Variants in SLC25A23 observed in about 807,000 individuals in gnomAD.
The protein encoded by SLC25A23 is solute carrier family 25 member 23.
In SLC25A23, 32 loss-of-function variants were observed where a neutral mutation model predicts 53.9. That is an observed-to-expected ratio of 0.59 (90% CI 0.45 to 0.80). The LOEUF is 0.80. Among genes scored for constraint, SLC25A23 ranks in the 30% least tolerant of loss-of-function variants. SLC25A23 has a pLI of 0.00. For missense variants in SLC25A23, 575 were observed against 651.4 expected, an observed-to-expected ratio of 0.88 and a Z score of 1.28; for synonymous variants, 275 against 264.5, an observed-to-expected ratio of 1.04 and a Z score of -0.38.
At chr19:6,436,561 T>C (rs1212857249), downstream of SLC25A23, 4 of 414,796 alleles carry the variant, frequency 9.6e-6, no homozygotes, top group East Asian at 1.4e-4. Context: ...TTTTTTTTTT[T>C]TCTTTGAGAC....
rs142556721 is a variant in SLC25A23, at chr19:6,441,031, C to T, written c.*944G>A. On this transcript the variant is annotated 3_prime_UTR_variant, in exon 10 of 10. Transcript: ENST00000301454. Reference sequence around the variant, plus strand: ...ATCTGGAATCCAGCAGCTGCAGTTGCCAGGATCCACTTGCTGTGCCACTGG... The same window carrying T: ...ATCTGGAATCCAGCAGCTGCAGTTGTCAGGATCCACTTGCTGTGCCACTGG... 6.6e-6 allele frequency: 1 copy of T among 152,088 alleles called. No individual in the cohort carries two copies. Among genetic ancestry groups the T allele is most frequent in the Admixed American group, 6.6e-5 (1 of 15,252 alleles). 9.4% of individuals were successfully genotyped at this position (152,088 alleles called of 1,614,324 possible).
chr19:6,448,259 G>A (rs1159573796), intron 8 of SLC25A23, among the ~76,000 whole-genome samples: 1 of 152,232 alleles, frequency 6.6e-6, no homozygotes, highest in Non-Finnish European at 1.5e-5. Flanking sequence ...GCAGGACTCA[G>A]TGCTGTGATG....
Position 6,444,541 on chromosome 19 carries a change from C to T in SLC25A23, c.1072-240G>A, listed in dbSNP as rs532962572. Among the ~76,000 whole-genome samples the T allele has an allele frequency of 2.0e-5, 3 of 152,290 alleles. No homozygotes were observed. In the East Asian group the frequency reaches 5.8e-4, roughly 29 times the overall value. Reference sequence around the variant, plus strand: ...TATGCCCTAATCTCTGGAACCTCTGCATATGTTACCCAAGATGACACAAAG... The same window carrying T: ...TATGCCCTAATCTCTGGAACCTCTGTATATGTTACCCAAGATGACACAAAG... On this transcript the variant is annotated intron_variant, in intron 8 of 9. Transcript: ENST00000301454.
At chr19:6,455,444 A>G (rs371607131) in intron 4 of SLC25A23, among the ~76,000 whole-genome samples, 3 of 152,146 alleles carry the variant, frequency 2.0e-5, no homozygotes, top group South Asian at 4.1e-4. Flanking sequence ...GAAATCTCAC[A>G]GGGATCTCCT....
chr19:6,451,294 CAGG>C (rs1363511709), intron 8 of SLC25A23, among the ~76,000 whole-genome samples: 1 of 151,876 alleles, frequency 6.6e-6, no homozygotes, highest in Non-Finnish European at 1.5e-5. Flanking sequence ...GAGACTGAGG[CAGG>C]AGAATTGCTT....
chr19:6,459,520 C>A lies in SLC25A23; in HGVS notation c.109G>T (p.Gly37Trp). 1 of 1,597,610 alleles carries A rather than the reference C, an allele frequency of 6.3e-7. No homozygotes were observed. The highest frequency in any genetic ancestry group is 1.1e-5 in the South Asian group (1 of 90,182). ...GRVDVHELRQ[G>W]LARLGGGNPD... ...TTGCCCCCGCCCAGCCTGGCCAGCC[C>A]CTGGCGCAACTCGTGCACGTCCACG... is the stretch of plus-strand genomic sequence containing the variant. Residue 37 changes from glycine to tryptophan, a missense_variant, in exon 1 of 10, where the codon GGG (glycine) becomes TGG (tryptophan). Coordinates refer to ENST00000301454, the MANE Select transcript of SLC25A23 (RefSeq NM_024103.3). This position sits in a 1 kb window ranked among gnomAD's most constrained non-coding sequence, Gnocchi z 4.6.
At chr19:6,448,185 G>A (rs1185704107) in intron 8 of SLC25A23, among the ~76,000 whole-genome samples, 1 of 152,130 alleles carries the variant, frequency 6.6e-6, no homozygotes, top group Non-Finnish European at 1.5e-5. Flanking sequence ...AGGCTTATAG[G>A]TTTCATTTCC....
chr19:6,447,303 CTAT>C (rs1286206976), intron 8 of SLC25A23, among the ~76,000 whole-genome samples: 5 of 151,858 alleles, frequency 3.3e-5, no homozygotes, highest in African/African-American at 1.2e-4. Context: ...AAGACCAAAA[CTAT>C]TATTATTATT....
At position 6,458,272 on chromosome 19, in the gene SLC25A23, T is replaced by A; in HGVS notation, c.209A>T (p.Glu70Val). ...ADPDGGLDLEEFSRYLQEREQ... is the reference protein window; with the variant it reads ...ADPDGGLDLEVFSRYLQEREQ... ...CCGCTCCTGCAGATAGCGGGAAAAT[T>A]CCTCCAGGTCGAGCCCGCCATCTGG... Residue 70 changes from glutamate (E) to valine (V), a missense_variant, in exon 2 of 10, where the codon GAA becomes GTA. Physicochemically the swap from Glu to Val is moderately radical, Grantham distance 121. Coordinates refer to ENST00000301454, the MANE Select transcript of SLC25A23 (RefSeq NM_024103.3). 6.2e-7 allele frequency: 1 copy of A among 1,613,486 alleles called. No individual in the cohort carries two copies. Among genetic ancestry groups the A allele is most frequent in the Non-Finnish European group, 8.5e-7 (1 of 1,179,968 alleles).
chr19:6,457,657 G>T, intron 2 of SLC25A23, 67 bp from the exon 3 acceptor site: 1 of 1,385,592 alleles, frequency 7.2e-7, no homozygotes, highest in East Asian at 2.3e-5. Context: ...CCAGGACCAA[G>T]GATCAGAACA....
intron 4 of SLC25A23, among the ~76,000 whole-genome samples, chr19:6,455,447 G>A (rs529704563): frequency 6.6e-6 from 1 of 151,846 alleles, no homozygotes; most frequent in African/African-American, 2.4e-5. Flanking sequence ...ATCTCACAGG[G>A]ATCTCCTCCA....
At chr19:6,453,402 G>A (rs1256622689) in intron 7 of SLC25A23, among the ~76,000 whole-genome samples, 6 of 151,980 alleles carry the variant, frequency 3.9e-5, no homozygotes, top group Non-Finnish European at 8.8e-5. Context: ...ACCATCCCCA[G>A]CTAATTTTTG....
chr19:6,436,283 T>A, downstream of SLC25A23: 1 of 374,930 alleles, frequency 2.7e-6, no homozygotes. Context: ...GGTACTGGGA[T>A]CCAGTTGTTT....
rs760929756 is a variant in SLC25A23, at chr19:6,454,510, C to T, written c.643-35G>A. ...GAGACAACAGCTTGGAGGTCCCCTC[C>T]CAGGTGTCAGGCCTGGGGGAGGGGG... On this transcript the variant is annotated intron_variant, in intron 5 of 9. Transcript: ENST00000301454. This position sits in a 1 kb window ranked among gnomAD's most constrained non-coding sequence, Gnocchi z 4.3. 36 of 1,613,478 alleles carry T rather than the reference C, an allele frequency of 2.2e-5. No individual in the cohort carries two copies. Among genetic ancestry groups the T allele is most frequent in the Non-Finnish European group, 3.1e-5 (36 of 1,179,714 alleles).
rs765399372 is a variant in SLC25A23 at position 6,444,247 on chromosome 19, T to C, written c.1126A>G (p.Ile376Val). The change falls in exon 9 of 10, where the codon ATC (isoleucine) becomes GTC (valine). Residue 376 changes from isoleucine (I) to valine (V), a missense_variant. Transcript: ENST00000301454. ...QYSHDSADPG[I>V]LVLLACGTIS... ...GTACCGCAGGCCAGGAGCACGAGGA[T>C]GCCTGGGTCTGCCGAGTCGTGGCTG... 3.8e-6 allele frequency: 6 copies of C among 1,583,106 alleles called. No individual in the cohort carries two copies. The highest frequency in any genetic ancestry group is 5.2e-6 in the Non-Finnish European group (6 of 1,164,220).
chr19:6,445,575 C>T (rs1277141323), intron 8 of SLC25A23, among the ~76,000 whole-genome samples: 2 of 152,148 alleles, frequency 1.3e-5, no homozygotes, highest in African/African-American at 4.8e-5. Context: ...AACAGATTTC[C>T]TCCTGGAGCA....
At chr19:6,456,222 G>C in intron 4 of SLC25A23, 198 bp downstream of exon 4, 1 of 1,045,014 alleles carries the variant, frequency 9.6e-7, no homozygotes, top group Non-Finnish European at 1.4e-6. Context: ...CAATCAGACA[G>C]CAGAGATGTC....
chr19:6,437,912 A>C (rs1403215055), downstream of SLC25A23, among the ~76,000 whole-genome samples: 2 of 129,672 alleles, frequency 1.5e-5, no homozygotes, highest in Non-Finnish European at 1.7e-5. Flanking sequence ...TAAAAATACA[A>C]AAAAAAAAAA....
intron 8 of SLC25A23, among the ~76,000 whole-genome samples, chr19:6,444,934 T>C (rs1399360657): frequency 6.6e-6 from 1 of 152,030 alleles, no homozygotes; most frequent in Non-Finnish European, 1.5e-5. Flanking sequence ...CTCAAAGTGC[T>C]GGGATTACAG....
Sources: gnomAD v4.1 joint callset for allele counts (sites outside exome capture counted in the v4.1 genomes callset) on GRCh38, gnomAD v4.1.1 for gene constraint, Gnocchi (gnomAD v3.1) non-coding constraint, MANE v1.5 for transcripts, NCBI Gene and HGNC (gene_info 2026-07-23, HGNC 2026-07-21) for gene names.